KCNMB4: variants seen among roughly 807,000 people sequenced by gnomAD.
KCNMB4 encodes the protein potassium calcium-activated channel subfamily M regulatory beta subunit 4, also known as calcium-activated potassium channel subunit beta-4.
A neutral mutation model predicts 20.7 loss-of-function variants in KCNMB4; 3 were observed. The ratio of observed to expected loss-of-function variants is 0.14; its 90% CI spans 0.07 to 0.37. The LOEUF is 0.37. KCNMB4 is among the 10% of genes least tolerant of loss of function. The probability of loss-of-function intolerance (pLI) is 1.00; values close to 1 mark genes in which losing one functional copy is unlikely to be tolerated. For synonymous variants in KCNMB4, 110 were observed against 113.4 expected (o/e 0.97, Z 0.19); for missense variants, 168 against 265.9 (o/e 0.63, Z 2.56).
chr12:70,427,144 T>C (rs2136144327), intron 2 of KCNMB4, among the ~76,000 whole-genome samples: 1 of 152,342 alleles, frequency 6.6e-6, no homozygotes, highest in East Asian at 1.9e-4. Flanking sequence ...TATAAAGAAA[T>C]TGTAGTTCAT....
chr12:70,382,600 A>C (rs959843162), intron 1 of KCNMB4, among the ~76,000 whole-genome samples: 1 of 152,148 alleles, frequency 6.6e-6, no homozygotes, highest in African/African-American at 2.4e-5. Flanking sequence ...GAATACACTG[A>C]TTAATGATAT....
chr12:70,377,700 G>T (rs965012818), intron 1 of KCNMB4, among the ~76,000 whole-genome samples: 3 of 152,124 alleles, frequency 2.0e-5, no homozygotes, highest in Non-Finnish European at 4.4e-5. Flanking sequence ...TTCAAAATTG[G>T]AGTCAGTCCT....
chr12:70,418,479 A>G (rs930561604), intron 2 of KCNMB4, among the ~76,000 whole-genome samples: 10 of 152,202 alleles, frequency 6.6e-5, no homozygotes, highest in African/African-American at 2.4e-4. Context: ...GCAATGAAGC[A>G]GATTCCAGGA....
At chr12:70,378,273 A>C (rs1883723118) in intron 1 of KCNMB4, among the ~76,000 whole-genome samples, 1 of 152,016 alleles carries the variant, frequency 6.6e-6, no homozygotes, top group Admixed American at 6.6e-5. Flanking sequence ...TCTACTTCTA[A>C]TTCTAGTTCT....
chr12:70,368,951 C>T (rs958167810), intron 1 of KCNMB4, among the ~76,000 whole-genome samples: 2 of 152,140 alleles, frequency 1.3e-5, no homozygotes, highest in Non-Finnish European at 2.9e-5. Flanking sequence ...TTATGTAATA[C>T]TAAAATTTCT....
intron 1 of KCNMB4, among the ~76,000 whole-genome samples, chr12:70,384,967 G>A (rs904267329): frequency 6.6e-6 from 1 of 151,672 alleles, no homozygotes; most frequent in African/African-American, 2.4e-5. Flanking sequence ...ACATCTATAG[G>A]TCAGTCACTT....
intron 1 of KCNMB4, among the ~76,000 whole-genome samples, chr12:70,394,270 G>A (rs1459018471): frequency 6.6e-6 from 1 of 150,912 alleles, no homozygotes; most frequent in East Asian, 2.0e-4. Flanking sequence ...ATCACACTTT[G>A]AGGAGGGTGG....
Position 70,366,857 on chromosome 12 carries a change from T to C in KCNMB4, c.123T>C (p.Ser41=), listed in dbSNP as rs771540859. ...TCATCTTCGGCTTCTGCTGGCTGAG[T>C]CCCGCGCTGCAGGATCTGCAAGCCA... is the stretch of plus-strand genomic sequence containing the variant. The part of the protein sequence containing the change: ...SLFIFGFCWL[S]PALQDLQATE... Residue 41 remains serine, a synonymous_variant, in exon 1 of 3, where the codon AGT becomes AGC. Transcript: ENST00000258111. 1.2e-6 allele frequency: 2 copies of C among 1,612,650 alleles called. No individual in the cohort carries two copies. Among genetic ancestry groups the C allele is most frequent in the African/African-American group, 2.7e-5 (2 of 74,686 alleles).
At chr12:70,380,941 C>T (rs1324734625) in intron 1 of KCNMB4, among the ~76,000 whole-genome samples, 1 of 152,116 alleles carries the variant, frequency 6.6e-6, no homozygotes, top group African/African-American at 2.4e-5. Flanking sequence ...CTTCAAAGGA[C>T]ACCATCAATA....
At chr12:70,416,750 T>G (rs1303396518) in intron 2 of KCNMB4, among the ~76,000 whole-genome samples, 5 of 152,234 alleles carry the variant, frequency 3.3e-5, no homozygotes, top group Non-Finnish European at 7.3e-5. Flanking sequence ...ATTGAATGTA[T>G]AGTAAAGTAT....
At chr12:70,409,313 G>C (rs1297749411) in intron 2 of KCNMB4, among the ~76,000 whole-genome samples, 1 of 152,200 alleles carries the variant, frequency 6.6e-6, no homozygotes, top group Non-Finnish European at 1.5e-5. Context: ...TCCTCAACTA[G>C]TCTGTCAGCC....
intron 2 of KCNMB4, among the ~76,000 whole-genome samples, chr12:70,402,578 T>C (rs1202723712): frequency 1.4e-5 from 2 of 144,276 alleles, no homozygotes; most frequent in African/African-American, 5.3e-5. Flanking sequence ...CTACTAAGCC[T>C]TGGGAGGTTG....
chr12:70,410,419 A>G (rs1166296647), intron 2 of KCNMB4, among the ~76,000 whole-genome samples: 1 of 152,196 alleles, frequency 6.6e-6, no homozygotes, highest in African/African-American at 2.4e-5. Context: ...AAGAGAGTTG[A>G]ATATGTACTT....
At chr12:70,378,011 G>A (rs559266699) in intron 1 of KCNMB4, among the ~76,000 whole-genome samples, 4 of 147,604 alleles carry the variant, frequency 2.7e-5, no homozygotes, top group Non-Finnish European at 4.4e-5. Flanking sequence ...GTGCAGTGGT[G>A]TAATCTCGTC....
intron 2 of KCNMB4, among the ~76,000 whole-genome samples, chr12:70,418,596 G>T (rs745911168): frequency 2.0e-5 from 3 of 152,124 alleles, no homozygotes; most frequent in Non-Finnish European, 2.9e-5. Flanking sequence ...ACAAAGGCGC[G>T]TGCTAACTTT....
chr12:70,421,507 T>G (rs1028677454), intron 2 of KCNMB4, among the ~76,000 whole-genome samples: 1 of 143,348 alleles, frequency 7.0e-6, no homozygotes, highest in Non-Finnish European at 1.5e-5. Flanking sequence ...TTCCCATACA[T>G]ACCCTCATTT....
chr12:70,385,349 A>G (rs1289157116), intron 1 of KCNMB4, among the ~76,000 whole-genome samples: 1 of 152,228 alleles, frequency 6.6e-6, no homozygotes, highest in Non-Finnish European at 1.5e-5. Context: ...ATTTGAGAGC[A>G]TCTACCTCCT....
chr12:70,367,140 C>T (rs1421373493), intron 1 of KCNMB4, 70 bp downstream of exon 1: 35 of 1,269,396 alleles, frequency 2.8e-5, no homozygotes, highest in Non-Finnish European at 3.3e-5. Context: ...TGTTAGACTC[C>T]GCGCGGGGAG....
chr12:70,428,522 G>C lies in KCNMB4; in HGVS notation c.465-1963G>C, dbSNP rs561460890. On this transcript the variant is annotated intron_variant, in intron 2 of 2. Coordinates refer to ENST00000258111, the MANE Select transcript of KCNMB4 (RefSeq NM_014505.6). ...TGACAGCTATGAGCACTGTACCTGGGAAAAGAATCACGGCAGTGCTGGGAT... is the reference window on the plus strand; with the variant it reads ...TGACAGCTATGAGCACTGTACCTGGCAAAAGAATCACGGCAGTGCTGGGAT... Among the ~76,000 whole-genome samples, 28 of 152,304 alleles carry C rather than the reference G, an allele frequency of 1.8e-4. 1 individual carries two copies. The South Asian group carries it at 5.8e-3, about 32-fold the overall frequency.
Sources: gnomAD v4.1 joint callset for allele counts (sites outside exome capture counted in the v4.1 genomes callset) on GRCh38, gnomAD v4.1.1 for gene constraint, MANE v1.5 for transcripts, NCBI Gene and HGNC (gene_info 2026-07-23, HGNC 2026-07-21) for gene names.